The following CLASP1 variants were observed in gnomAD, a reference collection of about 807,000 sequenced individuals.
The protein encoded by CLASP1 is cytoplasmic linker associated protein 1.
Under a neutral mutation model 192.3 loss-of-function variants are expected in CLASP1, and 38 were observed. The ratio of observed to expected loss-of-function variants is 0.20; its 90% CI spans 0.15 to 0.26. CLASP1 has a LOEUF of 0.26. Among genes scored for constraint, CLASP1 ranks in the 10% least tolerant of loss-of-function variants. The pLI is 1.00. For missense variants in CLASP1, 1,433 were observed against 1,932.5 expected, an observed-to-expected ratio of 0.74 and a Z score of 4.85; for synonymous variants, 691 against 712.8, an observed-to-expected ratio of 0.97 and a Z score of 0.49.
Position 121,376,533 on chromosome 2 carries a change from G to A in CLASP1, c.3642+966C>T, listed in dbSNP as rs1015078075. 2.0e-5 allele frequency among the ~76,000 whole-genome samples: 3 copies of A among 151,792 alleles called. No homozygotes were observed. In the East Asian group the frequency reaches 5.8e-4, roughly 29 times the overall value. ...CTAGAGGCTGGGAAGGGGTGGGGGG[G>A]GGGTCGGGGAGGAAAACAGGCTGGT... On this transcript the variant is annotated intron_variant, in intron 34 of 39. Coordinates refer to ENST00000263710, the Ensembl canonical transcript of CLASP1.
Position 121,510,848 on chromosome 2 carries a change from C to CGAAT in CLASP1, c.644+4813_644+4816dup, listed in dbSNP as rs376036638. Among the ~76,000 whole-genome samples, 17 of 151,326 alleles carry CGAAT rather than the reference C, an allele frequency of 1.1e-4. No homozygotes were observed. In the South Asian group the frequency reaches 1.3e-3, roughly 11 times the overall value. Reference sequence around the variant, plus strand: ...TAATTTTAAAAATTAAATAAATGGACGAATGAATGAATGAATGAATGAACC... The same window carrying CGAAT: ...TAATTTTAAAAATTAAATAAATGGACGAATGAATGAATGAATGAATGAATGAACC... On this transcript the variant is annotated intron_variant, in intron 7 of 39. Transcript: ENST00000263710.
At chr2:121,360,715 G>T (rs1018007159) in intron 37 of CLASP1, among the ~76,000 whole-genome samples, 1 of 152,034 alleles carries the variant, frequency 6.6e-6, no homozygotes, top group African/African-American at 2.4e-5. Flanking sequence ...GTTTTATAAG[G>T]AAACTCCAAG....
intron 6 of CLASP1, among the ~76,000 whole-genome samples, chr2:121,523,201 C>T (rs1014580550): frequency 6.6e-6 from 1 of 152,218 alleles, no homozygotes; most frequent in African/African-American, 2.4e-5. Context: ...ATTAAACATA[C>T]TCTGCCTTTT....
chr2:121,397,786 T>A (rs1490935051), intron 29 of CLASP1, among the ~76,000 whole-genome samples: 1 of 152,200 alleles, frequency 6.6e-6, no homozygotes, highest in African/African-American at 2.4e-5. Flanking sequence ...TCCTAAAACC[T>A]CCAAAAAGTT....
intron 6 of CLASP1, among the ~76,000 whole-genome samples, chr2:121,521,175 A>C (rs961299820): frequency 2.0e-5 from 3 of 152,318 alleles, no homozygotes; most frequent in Non-Finnish European, 1.5e-5. Context: ...GAGTTAAATA[A>C]ATGTGGTCTA....
chr2:121,491,442 C>G (rs1016270371), intron 8 of CLASP1, among the ~76,000 whole-genome samples: 13 of 152,154 alleles, frequency 8.5e-5, no homozygotes, highest in African/African-American at 3.1e-4. Context: ...TCAATCAAAT[C>G]CAATTAAAGA....
At chr2:121,520,298 C>G (rs1213028193) in intron 6 of CLASP1, among the ~76,000 whole-genome samples, 1 of 152,182 alleles carries the variant, frequency 6.6e-6, no homozygotes, top group Non-Finnish European at 1.5e-5. Context: ...GGCTTCCGCC[C>G]TAGGGTGGGG....
chr2:121,554,454 T>TAA (rs56965310), intron 2 of CLASP1, among the ~76,000 whole-genome samples: 12,038 of 87,470 alleles, frequency 0.14, 1,320 homozygotes, highest in African/African-American at 0.27. Context: ...CTACAAAAAG[T>TAA]AAAAAAAAAA....
intron 1 of CLASP1, among the ~76,000 whole-genome samples, chr2:121,622,912 G>T (rs1209872214): frequency 7.9e-5 from 12 of 151,940 alleles, no homozygotes. Flanking sequence ...CAATGTTAAA[G>T]CTAAGTGTCA....
chr2:121,371,835 C>CCTA (rs1186249495), intron 34 of CLASP1, among the ~76,000 whole-genome samples: 3 of 152,192 alleles, frequency 2.0e-5, no homozygotes, highest in Admixed American at 2.0e-4. Context: ...GTTCTTCTCT[C>CCTA]CACTGGCCCT....
intron 34 of CLASP1, among the ~76,000 whole-genome samples, chr2:121,375,643 T>C (rs2149313816): frequency 6.6e-6 from 1 of 152,280 alleles, no homozygotes; most frequent in East Asian, 1.9e-4. Context: ...ATTACAGGTG[T>C]GAGCCACCGC....
At chr2:121,635,578 G>A (rs958419868) in intron 1 of CLASP1, among the ~76,000 whole-genome samples, 1 of 152,168 alleles carries the variant, frequency 6.6e-6, no homozygotes, top group Non-Finnish European at 1.5e-5. Flanking sequence ...TCCCCAGAGA[G>A]GTCTGATCTC....
chr2:121,432,836 G>C (rs923988901), intron 19 of CLASP1, among the ~76,000 whole-genome samples: 1 of 152,084 alleles, frequency 6.6e-6, no homozygotes, highest in African/African-American at 2.4e-5. Flanking sequence ...TATCTAAATA[G>C]AATAACACCC....
chr2:121,382,108 C>A (rs576405848), intron 33 of CLASP1, 100 bp downstream of exon 34: 85 of 870,282 alleles, frequency 9.8e-5, no homozygotes, highest in Non-Finnish European at 1.6e-4. Context: ...GAAGGGACCA[C>A]ACTGGAGGCA....
intron 2 of CLASP1, chr2:121,531,070 C>G (rs563037982): frequency 6.8e-5 from 47 of 690,496 alleles, no homozygotes; most frequent in African/African-American, 4.4e-4. Context: ...TAAACTAGTA[C>G]TTTGTGGTTA....
intron 28 of CLASP1, among the ~76,000 whole-genome samples, chr2:121,398,719 C>G (rs1040943294): frequency 8.5e-5 from 13 of 152,128 alleles, no homozygotes; most frequent in African/African-American, 3.1e-4. Flanking sequence ...CTCCAGCTAC[C>G]TTTCTGGATA....
intron 30 of CLASP1, among the ~76,000 whole-genome samples, chr2:121,394,584 T>C (rs1482305314): frequency 6.6e-6 from 1 of 152,172 alleles, no homozygotes; most frequent in Non-Finnish European, 1.5e-5. Context: ...TGTGAATCCT[T>C]TTATTAAAAA....
intron 14 of CLASP1, among the ~76,000 whole-genome samples, chr2:121,452,772 C>CA (rs1299545234): frequency 6.6e-6 from 1 of 152,170 alleles, no homozygotes; most frequent in Non-Finnish European, 1.5e-5. Context: ...GCCTAGGCGA[C>CA]AGAGCGAGAC....
chr2:121,477,677 T>G (rs532897561), intron 8 of CLASP1, among the ~76,000 whole-genome samples: 1 of 152,358 alleles, frequency 6.6e-6, no homozygotes, highest in African/African-American at 2.4e-5. Flanking sequence ...GACTACTTAT[T>G]GTGACACTTT....
Sources: gnomAD v4.1 joint callset for allele counts (sites outside exome capture counted in the v4.1 genomes callset) on GRCh38, gnomAD v4.1.1 for gene constraint, MANE v1.5 for transcripts, NCBI Gene and HGNC (gene_info 2026-07-23, HGNC 2026-07-21) for gene names.